Variants in UNC80 observed in about 807,000 individuals in gnomAD.
UNC80 encodes unc-80 subunit of NALCN channel complex.
In UNC80, 164 loss-of-function variants were observed where a neutral mutation model predicts 384.6. The ratio of observed to expected loss-of-function variants is 0.43; its 90% confidence interval spans 0.38 to 0.49. UNC80 has a LOEUF of 0.49. Ranked by LOEUF, UNC80 falls within the 20% of genes least tolerant of loss-of-function variation. The pLI, the probability that UNC80 is intolerant of heterozygous loss-of-function variation, is 0.00. For synonymous variants in UNC80, 1,486 were observed against 1,527.8 expected (o/e 0.97, Z 0.64); for missense variants, 3,330 against 4,143.0 (o/e 0.80, Z 5.39).
intron 22 of UNC80, among the ~76,000 whole-genome samples, chr2:209,854,522 CT>C (rs1434838348): frequency 6.6e-6 from 1 of 151,942 alleles, no homozygotes; most frequent in Admixed American, 6.6e-5. Context: ...AGACAACCTA[CT>C]GAATGGGAGA....
intron 22 of UNC80, among the ~76,000 whole-genome samples, chr2:209,858,330 A>G (rs1183201818): frequency 1.3e-5 from 2 of 152,212 alleles, no homozygotes; most frequent in Admixed American, 6.5e-5. Flanking sequence ...TCATTAGGTT[A>G]GTATTGGCTG....
chr2:209,992,270 A>G, intron 62 of UNC80, 23 bp downstream of exon 62: 4 of 1,545,744 alleles, frequency 2.6e-6, no homozygotes, highest in Non-Finnish European at 3.5e-6. Context: ...TTAAAGCGCA[A>G]GAGAACCATC....
At chr2:209,921,051 C>G (rs370880315) in intron 33 of UNC80, among the ~76,000 whole-genome samples, 94 of 152,272 alleles carry the variant, frequency 6.2e-4, no homozygotes, top group African/African-American at 2.2e-3. Context: ...TGGTCTCGAA[C>G]TCCTCACCTC....
chr2:209,904,706 T>C (rs2087965066), intron 28 of UNC80, 59 bp from the exon 29 acceptor site: 2 of 1,424,086 alleles, frequency 1.4e-6, no homozygotes, highest in African/African-American at 1.4e-5. Flanking sequence ...CCCATAGATA[T>C]GTTCAGTTTA....
chr2:209,835,799 C>G (rs41502644), intron 18 of UNC80, among the ~76,000 whole-genome samples: 1 of 152,288 alleles, frequency 6.6e-6, no homozygotes, highest in East Asian at 1.9e-4. Context: ...CCTTTCTTCA[C>G]AGTCAGGGAA....
At chr2:209,921,353 A>T in intron 33 of UNC80, 147 bp from the exon 34 acceptor site, 1 of 787,942 alleles carries the variant, frequency 1.3e-6, no homozygotes, top group Non-Finnish European at 1.9e-6. Flanking sequence ...TGGTAAAAGG[A>T]CAAATATCCA....
In UNC80 at chr2:209,996,979, T is replaced by C. The variant is rs1446656027; in HGVS notation, c.*1384T>C. 1 of 152,158 alleles carries C rather than the reference T, an allele frequency of 6.6e-6. No homozygotes were observed. Among genetic ancestry groups the C allele is most frequent in the Non-Finnish European group, 1.5e-5 (1 of 68,024 alleles). The allele number at this position is 152,158 out of a possible 1,614,324, so 9.4% of individuals were successfully genotyped here. A position where few individuals can be genotyped will look rare whatever the true frequency, so the allele number is the denominator to read the frequency against. On this transcript the variant is annotated 3_prime_UTR_variant, in exon 65 of 65. Coordinates refer to ENST00000673920, the MANE Select transcript of UNC80 (RefSeq NM_001371986.1). ...ACCCTGCAATGAATTTAAAACACAT[T>C]CTGTATGCTTAAACTTTGAGTGCGT...
chr2:209,989,962 G>A (rs2093362433), intron 61 of UNC80, among the ~76,000 whole-genome samples: 1 of 152,244 alleles, frequency 6.6e-6, no homozygotes, highest in Non-Finnish European at 1.5e-5. Flanking sequence ...TATAAGCTGG[G>A]ATATTTCCAA....
chr2:209,935,332 G>A (rs111429839), intron 39 of UNC80, among the ~76,000 whole-genome samples: 235 of 152,224 alleles, frequency 1.5e-3, no homozygotes, highest in African/African-American at 5.5e-3. Context: ...TAGAAGTATT[G>A]AGAACTTGGC....
intron 14 of UNC80, among the ~76,000 whole-genome samples, chr2:209,826,709 A>G (rs2080548963): frequency 6.6e-6 from 1 of 152,028 alleles, no homozygotes; most frequent in Non-Finnish European, 1.5e-5. Context: ...CTGACTGTTA[A>G]TTTTCTTTTT....
chr2:209,937,642 C>T lies in UNC80; in HGVS notation c.6465+12C>T, dbSNP rs923986182. The T allele has an allele frequency of 8.5e-6, 13 of 1,529,552 alleles. No homozygotes were observed. In the Admixed American group the frequency reaches 9.8e-5, roughly 12 times the overall value. The allele number at this position is 1,529,552 out of a possible 1,614,324, so 94.7% of individuals were successfully genotyped here. A position where few individuals can be genotyped will look rare whatever the true frequency, so the allele number is the denominator to read the frequency against. ...TCATTCAGAAACAGGTGACAGACCA[C>T]GTCAGTTTTATTCCATGGTTTTGTC... On this transcript the variant is annotated intron_variant, in intron 42 of 64. Transcript: ENST00000673920.
intron 22 of UNC80, among the ~76,000 whole-genome samples, chr2:209,859,212 G>C (rs2083174373): frequency 1.3e-5 from 2 of 152,076 alleles, no homozygotes; most frequent in African/African-American, 4.8e-5. Flanking sequence ...ACAGGCCCTG[G>C]TGTGTGCTGC....
chr2:209,958,442 C>G (rs2092482684), intron 49 of UNC80, among the ~76,000 whole-genome samples: 1 of 152,212 alleles, frequency 6.6e-6, no homozygotes, highest in South Asian at 2.1e-4. Context: ...TTCACTCTCT[C>G]TGAAGCCTAT....
chr2:209,918,741 CTCA>C (rs1207074244), intron 33 of UNC80, 78 bp downstream of exon 33: 24 of 1,406,650 alleles, frequency 1.7e-5, no homozygotes, highest in Non-Finnish European at 2.0e-5. Context: ...TTTGTTCATT[CTCA>C]TCATAAGAAT....
chr2:209,818,018 C>T (rs193036528), intron 11 of UNC80, 66 bp downstream of exon 11: 35 of 1,507,242 alleles, frequency 2.3e-5, no homozygotes, highest in Non-Finnish European at 2.8e-5. Context: ...GTCCTTACAC[C>T]ATGTTACTTT....
At chr2:209,896,490 A>C in intron 28 of UNC80, 77 bp downstream of exon 28, 1 of 1,184,226 alleles carries the variant, frequency 8.4e-7, no homozygotes, top group Non-Finnish European at 1.2e-6. Flanking sequence ...GGAGGACAAG[A>C]GATTATACTA....
At chr2:209,963,443 C>G (rs1420415163) in intron 51 of UNC80, among the ~76,000 whole-genome samples, 1 of 152,134 alleles carries the variant, frequency 6.6e-6, no homozygotes, top group Non-Finnish European at 1.5e-5. Flanking sequence ...TGTCACATGA[C>G]CAGGAATTAG....
intron 47 of UNC80, among the ~76,000 whole-genome samples, chr2:209,946,803 G>A (rs2091935162): frequency 6.6e-6 from 1 of 152,142 alleles, no homozygotes; most frequent in Admixed American, 6.6e-5. Context: ...AAGAAGGAAG[G>A]AGCCAAGCTG....
At chr2:209,780,032 G>A (rs991857402) in intron 4 of UNC80, among the ~76,000 whole-genome samples, 1 of 152,190 alleles carries the variant, frequency 6.6e-6, no homozygotes. Context: ...AGGGCATTGT[G>A]AAGATTAAAC....
Sources: allele counts gnomAD v4.1 joint callset (sites outside exome capture counted in the v4.1 genomes callset), GRCh38; gene constraint gnomAD v4.1.1; transcripts MANE v1.5; gene names NCBI Gene and HGNC (gene_info 2026-07-23, HGNC 2026-07-21).